SLIT3: variants seen among roughly 807,000 people sequenced by gnomAD.
SLIT3 encodes slit guidance ligand 3.
SLIT3 carries 68 observed loss-of-function variants against 184.0 expected under a neutral mutation model. The observed-to-expected ratio is 0.37, with a 90% CI of 0.30 to 0.45. The LOEUF (loss-of-function observed/expected upper bound fraction) is 0.45. Among genes scored for constraint, SLIT3 ranks in the 20% least tolerant of loss-of-function variants. The pLI is 1.00. For missense variants in SLIT3, 1,707 were observed against 2,026.0 expected, an observed-to-expected ratio of 0.84 and a Z score of 3.02; for synonymous variants, 831 against 828.6, an observed-to-expected ratio of 1.00 and a Z score of -0.05.
chr5:169,218,708 TA>T (rs1308396611), intron 3 of SLIT3, among the ~76,000 whole-genome samples: 1 of 152,228 alleles, frequency 6.6e-6, no homozygotes, highest in Non-Finnish European at 1.5e-5. Context: ...GAGTCTTACT[TA>T]AGATCATGCG....
intron 4 of SLIT3, among the ~76,000 whole-genome samples, chr5:169,179,000 G>A (rs547240586): frequency 1.1e-4 from 16 of 152,178 alleles, no homozygotes; most frequent in Non-Finnish European, 2.1e-4. Flanking sequence ...AGGGGTGCGG[G>A]GGCAGGATGT....
At chr5:169,062,026 C>T (rs1290153683) in intron 4 of SLIT3, among the ~76,000 whole-genome samples, 8 of 151,902 alleles carry the variant, frequency 5.3e-5, no homozygotes, top group Admixed American at 4.6e-4. Context: ...CTACTAAAAA[C>T]ACAAAAAATT....
In SLIT3 at chr5:168,844,648, C is replaced by G; in HGVS notation, c.493G>C (p.Asp165His). 1 of 1,614,178 alleles carries G rather than the reference C, an allele frequency of 6.2e-7. No homozygotes were observed. Among genetic ancestry groups the G allele is most frequent in the Non-Finnish European group, 8.5e-7 (1 of 1,180,028 alleles). The change falls in exon 6 of 36, where the codon GAC (aspartate) becomes CAC (histidine). Residue 165 changes from aspartate (D) to histidine (H), a missense_variant. This residue lies in a region of SLIT3 where 1,307 missense variants were observed against 1,511.6 expected (regional missense o/e 0.86). Transcript: ENST00000519560. ...GITDVKNLQLDNNHISCIEDG... is the reference protein window; with the variant it reads ...GITDVKNLQLHNNHISCIEDG... ...TCAATGCAGCTGATGTGGTTGTTGT[C>G]CAGTTGCCTGTGGAAAAGCAGGGGA...
intron 16 of SLIT3, among the ~76,000 whole-genome samples, chr5:168,756,568 G>T (rs1021565898): frequency 6.6e-6 from 1 of 152,192 alleles, no homozygotes; most frequent in Non-Finnish European, 1.5e-5. Flanking sequence ...TCGCAGACTG[G>T]ATTTCCACTC....
At chr5:169,013,631 C>T (rs987538926) in intron 4 of SLIT3, among the ~76,000 whole-genome samples, 4 of 152,260 alleles carry the variant, frequency 2.6e-5, no homozygotes, top group African/African-American at 7.2e-5. Flanking sequence ...CTCTTACGCC[C>T]GTTCTGAGAT....
At chr5:168,820,366 C>T (rs1233610636) in intron 7 of SLIT3, among the ~76,000 whole-genome samples, 1 of 152,146 alleles carries the variant, frequency 6.6e-6, no homozygotes, top group Non-Finnish European at 1.5e-5. Flanking sequence ...ACACTGGCTC[C>T]GTGCTTTCTG....
chr5:169,058,874 T>C (rs1026958095), intron 4 of SLIT3, among the ~76,000 whole-genome samples: 1 of 152,212 alleles, frequency 6.6e-6, no homozygotes, highest in Non-Finnish European at 1.5e-5. Flanking sequence ...GGAGAAGGAC[T>C]TCCTGTTGCT....
intron 4 of SLIT3, among the ~76,000 whole-genome samples, chr5:169,154,009 G>C (rs1363356931): frequency 7.1e-6 from 1 of 140,070 alleles, no homozygotes; most frequent in Non-Finnish European, 1.5e-5. Context: ...GTCTTGCTCT[G>C]TCACCCAGGC....
chr5:168,928,332 A>C (rs1197803354), intron 4 of SLIT3, among the ~76,000 whole-genome samples: 1 of 152,260 alleles, frequency 6.6e-6, no homozygotes, highest in Non-Finnish European at 1.5e-5. Flanking sequence ...TATGCATTAA[A>C]TGAGTAATGA....
chr5:169,193,466 C>A lies in SLIT3; in HGVS notation c.413+13G>T. 1 of 1,610,244 alleles carries A rather than the reference C, an allele frequency of 6.2e-7. No homozygotes were observed. The highest frequency in any genetic ancestry group is 1.7e-4 in the Middle Eastern group (1 of 6,048). On this transcript the variant is annotated intron_variant, in intron 4 of 35. Coordinates refer to ENST00000519560, the MANE Select transcript of SLIT3 (RefSeq NM_003062.4). ...AAGGCACAAGGTAGAGAACACAAGG[C>A]AACTCTACTCACAGTCTGGTGAGCT...
intron 1 of SLIT3, among the ~76,000 whole-genome samples, chr5:169,262,444 C>T (rs1766225474): frequency 6.6e-6 from 1 of 152,062 alleles, no homozygotes; most frequent in Admixed American, 6.5e-5. Context: ...GGAGACGTTT[C>T]CAGGTGGAAG....
At chr5:169,204,262 T>C (rs1187550969) in intron 3 of SLIT3, among the ~76,000 whole-genome samples, 1 of 151,958 alleles carries the variant, frequency 6.6e-6, no homozygotes, top group African/African-American at 2.4e-5. Context: ...GAGGATAACA[T>C]TGGGTTGGGC....
chr5:169,273,881 A>G (rs1270371320), intron 1 of SLIT3, among the ~76,000 whole-genome samples: 4 of 152,220 alleles, frequency 2.6e-5, no homozygotes, highest in Non-Finnish European at 4.4e-5. Context: ...GAATCTTCAC[A>G]TTGATACAAA....
At chr5:168,979,601 G>T (rs1332823339) in intron 4 of SLIT3, among the ~76,000 whole-genome samples, 1 of 152,196 alleles carries the variant, frequency 6.6e-6, no homozygotes, top group Non-Finnish European at 1.5e-5. Flanking sequence ...CTTCAGACAA[G>T]GGCAGTGTTT....
At chr5:169,229,771 T>C (rs1581080646) in intron 3 of SLIT3, among the ~76,000 whole-genome samples, 1 of 152,186 alleles carries the variant, frequency 6.6e-6, no homozygotes, top group Non-Finnish European at 1.5e-5. Context: ...GCACTTCATA[T>C]AGGTAATCTC....
At chr5:168,888,276 C>T (rs1760299176) in intron 4 of SLIT3, among the ~76,000 whole-genome samples, 1 of 152,218 alleles carries the variant, frequency 6.6e-6, no homozygotes, top group Admixed American at 6.5e-5. Flanking sequence ...ATCAGACAGT[C>T]CTTGGTTAGG....
chr5:168,850,065 T>C (rs1223575036), intron 5 of SLIT3, among the ~76,000 whole-genome samples: 5 of 152,078 alleles, frequency 3.3e-5, no homozygotes, highest in Non-Finnish European at 7.4e-5. Flanking sequence ...CTGGGGTCTT[T>C]GAAAAAAATA....
chr5:169,097,495 C>T (rs560780780), intron 4 of SLIT3, among the ~76,000 whole-genome samples: 1 of 152,160 alleles, frequency 6.6e-6, no homozygotes, highest in African/African-American at 2.4e-5. Flanking sequence ...AAAAAGAATC[C>T]CACTGTGACA....
chr5:168,944,296 A>G (rs1762410877), intron 4 of SLIT3, among the ~76,000 whole-genome samples: 1 of 152,090 alleles, frequency 6.6e-6, no homozygotes, highest in South Asian at 2.1e-4. Context: ...GGGTGTTAGC[A>G]GGAGAGGAGT....
Sources: allele counts gnomAD v4.1 joint callset (sites outside exome capture counted in the v4.1 genomes callset), GRCh38; gene constraint gnomAD v4.1.1; regional missense constraint gnomAD v4.1.1; transcripts MANE v1.5; gene names NCBI Gene and HGNC (gene_info 2026-07-23, HGNC 2026-07-21).